ADTRP: variants seen among roughly 807,000 people sequenced by gnomAD.
ADTRP encodes the protein androgen dependent TFPI regulating protein.
ADTRP carries 20 observed loss-of-function variants against 27.0 expected under a neutral mutation model. The observed-to-expected ratio is 0.74, with a 90% CI of 0.52 to 1.08. The LOEUF (loss-of-function observed/expected upper bound fraction) is 1.08. Among genes scored for constraint, ADTRP ranks in the 50% least tolerant of loss-of-function variants. The pLI is 0.00. For synonymous variants in ADTRP, 101 were observed against 105.2 expected (o/e 0.96, Z 0.25); for missense variants, 251 against 275.0 (o/e 0.91, Z 0.62).
intron 1 of ADTRP, among the ~76,000 whole-genome samples, chr6:11,772,009 C>G (rs989430459): frequency 6.6e-6 from 1 of 152,226 alleles, no homozygotes; most frequent in South Asian, 2.1e-4. Flanking sequence ...GGAAACTATA[C>G]AGTAGCATTA....
At chr6:11,735,159 C>T (rs533814773) in intron 4 of ADTRP, among the ~76,000 whole-genome samples, 1 of 152,324 alleles carries the variant, frequency 6.6e-6, no homozygotes, top group Admixed American at 6.5e-5. Flanking sequence ...CAGGAGTGGA[C>T]AAACCTAGCA....
At chr6:11,733,498 C>T (rs1351952221) in intron 4 of ADTRP, among the ~76,000 whole-genome samples, 1 of 152,130 alleles carries the variant, frequency 6.6e-6, no homozygotes, top group African/African-American at 2.4e-5. Context: ...CTTATTCATT[C>T]CTTGGGCCTC....
intron 5 of ADTRP, among the ~76,000 whole-genome samples, chr6:11,720,801 A>C (rs1483439955): frequency 6.6e-6 from 1 of 152,098 alleles, no homozygotes; most frequent in East Asian, 1.9e-4. Flanking sequence ...ACGCCTTGTC[A>C]TCACCCTCCT....
chr6:11,754,749 A>C (rs1053061461), intron 3 of ADTRP, among the ~76,000 whole-genome samples: 2 of 152,152 alleles, frequency 1.3e-5, no homozygotes, highest in Non-Finnish European at 2.9e-5. Context: ...CTCCCTATTC[A>C]AGGCAAGGAC....
chr6:11,768,089 A>G (rs905741369), intron 2 of ADTRP, among the ~76,000 whole-genome samples, 160 bp downstream of exon 2: 2 of 152,248 alleles, frequency 1.3e-5, no homozygotes, highest in African/African-American at 4.8e-5. Context: ...TATTTCCTAA[A>G]GACACTGGGC....
intron 3 of ADTRP, among the ~76,000 whole-genome samples, chr6:11,752,230 G>C (rs1218954282): frequency 1.3e-5 from 2 of 151,874 alleles, no homozygotes; most frequent in East Asian, 1.9e-4. Context: ...ATTTTAAAAA[G>C]ATTTTTAAGA....
At chr6:11,716,064 TGTAGA>T (rs1283452768) in intron 5 of ADTRP, among the ~76,000 whole-genome samples, 1 of 152,138 alleles carries the variant, frequency 6.6e-6, no homozygotes. Context: ...CTCCTTTTTC[TGTAGA>T]GTATACTCTG....
At chr6:11,738,123 G>A (rs1190553817) in intron 3 of ADTRP, among the ~76,000 whole-genome samples, 2 of 152,304 alleles carry the variant, frequency 1.3e-5, no homozygotes, top group East Asian at 3.9e-4. Flanking sequence ...GCTTCAGTGA[G>A]CATTTGCTGG....
chr6:11,772,469 C>T (rs1275597447), intron 1 of ADTRP, among the ~76,000 whole-genome samples: 5 of 152,208 alleles, frequency 3.3e-5, no homozygotes, highest in Admixed American at 2.6e-4. Context: ...AAGCCAGAGC[C>T]CTCTCTCTTT....
In ADTRP at chr6:11,742,565, G is replaced by A. The variant is rs210934; in HGVS notation, c.391-6882C>T. Among the ~76,000 whole-genome samples the A allele has an allele frequency of 6.1e-3, 932 of 152,238 alleles. 28 individuals carry two copies. Among genetic ancestry groups the A allele is most frequent in the Admixed American group, 0.044 (674 of 15,292 alleles). ...GAAATGTACACACTTCCTAGTTTTTGTTTTTCAGAGAAATTAAAGTTTTCC... is the reference window on the plus strand; with the variant it reads ...GAAATGTACACACTTCCTAGTTTTTATTTTTCAGAGAAATTAAAGTTTTCC... On this transcript the variant is annotated intron_variant, in intron 3 of 5. Transcript: ENST00000414691.
At chr6:11,747,462 A>C (rs922729067) in intron 3 of ADTRP, among the ~76,000 whole-genome samples, 1 of 152,180 alleles carries the variant, frequency 6.6e-6, no homozygotes, top group Non-Finnish European at 1.5e-5. Context: ...ATTAGTTTCT[A>C]ATAAAAGGAA....
At chr6:11,777,866 C>A (rs1218058550) in intron 1 of ADTRP, among the ~76,000 whole-genome samples, 1 of 152,186 alleles carries the variant, frequency 6.6e-6, no homozygotes, top group East Asian at 1.9e-4. Flanking sequence ...TAATTCACAT[C>A]CCCAAATGAT....
chr6:11,771,899 C>G (rs185670812), intron 1 of ADTRP, among the ~76,000 whole-genome samples: 3 of 152,152 alleles, frequency 2.0e-5, no homozygotes, highest in African/African-American at 7.2e-5. Flanking sequence ...CAGGAGAAAC[C>G]GACCTTGCCC....
intron 3 of ADTRP, among the ~76,000 whole-genome samples, chr6:11,740,754 G>C (rs2781127): frequency 0.82 from 125,177 of 152,162 alleles, 51,669 homozygotes; most frequent in East Asian, 1. Context: ...GGTGATGGTC[G>C]GTGACATTTT....
chr6:11,775,492 A>G (rs1007472213), intron 1 of ADTRP, among the ~76,000 whole-genome samples: 11 of 152,004 alleles, frequency 7.2e-5, no homozygotes, highest in Admixed American at 5.9e-4. Context: ...AGAGATCGCA[A>G]TTGTAACCAT....
chr6:11,755,230 C>T (rs556426310), intron 3 of ADTRP: 1 of 262,326 alleles, frequency 3.8e-6, no homozygotes, highest in East Asian at 1.8e-4. Context: ...CACTAAAAAC[C>T]TTTGACCTTG....
Position 11,735,575 on chromosome 6 carries a change from T to G in ADTRP, c.499A>C (p.Ile167Leu). ...TCTCCATGTAATTCTTACCGGCTGA[T>G]GTAAGCAATGCTGGCAGCAGCCAGC... ...TLLAAASIAY[I>L]SRILWLYFET... The change falls in exon 4 of 6, where the codon ATC becomes CTC. Residue 167 changes from isoleucine to leucine, a missense_variant. By Grantham distance (5) the Ile-to-Leu change is conservative. Coordinates refer to ENST00000414691, the MANE Select transcript of ADTRP (RefSeq NM_032744.4). 6.2e-7 allele frequency: 1 copy of G among 1,611,622 alleles called. No individual in the cohort carries two copies. The highest frequency in any genetic ancestry group is 1.1e-5 in the South Asian group (1 of 90,910).
At chr6:11,776,406 T>C (rs999109404) in intron 1 of ADTRP, among the ~76,000 whole-genome samples, 1 of 152,092 alleles carries the variant, frequency 6.6e-6, no homozygotes, top group Non-Finnish European at 1.5e-5. Context: ...ACAGTTAGGG[T>C]TGGCAAGGAC....
intron 3 of ADTRP, among the ~76,000 whole-genome samples, chr6:11,763,957 A>G (rs1763471520): frequency 6.6e-6 from 1 of 152,184 alleles, no homozygotes; most frequent in African/African-American, 2.4e-5. Flanking sequence ...AGTTTCTTCA[A>G]TCAAACTAAG....
Sources: allele counts gnomAD v4.1 joint callset (sites outside exome capture counted in the v4.1 genomes callset), GRCh38; gene constraint gnomAD v4.1.1; transcripts MANE v1.5; gene names NCBI Gene and HGNC (gene_info 2026-07-23, HGNC 2026-07-21).